Variants in NUCKS1 observed in about 807,000 individuals in gnomAD.
The protein encoded by NUCKS1 is nuclear ubiquitous casein and cyclin-dependent kinase substrate 1.
NUCKS1 carries 2 observed loss-of-function variants against 33.0 expected under a neutral mutation model. The ratio of observed to expected loss-of-function variants is 0.06; its 90% confidence interval spans 0.02 to 0.19. NUCKS1 has a LOEUF of 0.19. Among genes scored for constraint, NUCKS1 ranks in the 10% least tolerant of loss-of-function variants. The pLI, the probability that NUCKS1 is intolerant of heterozygous loss-of-function variation, is 1.00. For synonymous variants in NUCKS1, 106 were observed against 102.8 expected (o/e 1.03, Z -0.19); for missense variants, 201 against 293.6 (o/e 0.68, Z 2.31).
chr1:205,729,447 T>C lies in NUCKS1; in HGVS notation c.67+125A>G, dbSNP rs577103975. 2.1e-4 allele frequency: 164 copies of C among 769,724 alleles called. 1 individual carries two copies. In the African/African-American group the frequency reaches 2.5e-3, roughly 12 times the overall value. 47.7% of individuals were successfully genotyped at this position (769,724 alleles called of 1,614,324 possible). ...GCTTTGGTTGACACAGATCATGACA[T>C]GGTTTTGGTAAATGATCTAAAAATA... On this transcript the variant is annotated intron_variant, in intron 2 of 6. Transcript: ENST00000367142.
intron 1 of NUCKS1, among the ~76,000 whole-genome samples, chr1:205,745,524 ATT>A (rs773701002): frequency 3.8e-4 from 58 of 152,176 alleles, no homozygotes; most frequent in Non-Finnish European, 7.2e-4. Flanking sequence ...TATTTTAAAT[ATT>A]GAGTTGAGCA....
At chr1:205,747,991 G>T (rs537542851) in intron 1 of NUCKS1, among the ~76,000 whole-genome samples, 1 of 151,234 alleles carries the variant, frequency 6.6e-6, no homozygotes, top group East Asian at 1.9e-4. Flanking sequence ...ATTTGAAAAT[G>T]GCAAAGAAAA....
intron 1 of NUCKS1, among the ~76,000 whole-genome samples, chr1:205,730,614 G>A (rs539732006): frequency 2.6e-5 from 4 of 151,730 alleles, no homozygotes; most frequent in African/African-American, 9.7e-5. Flanking sequence ...TCAGCCTCCC[G>A]AGTAGCTGAG....
chr1:205,718,443 C>T lies in NUCKS1; in HGVS notation c.569G>A (p.Gly190Asp). 6.2e-7 allele frequency: 1 copy of T among 1,612,316 alleles called. No individual in the cohort carries two copies. Among genetic ancestry groups the T allele is most frequent in the Non-Finnish European group, 8.5e-7 (1 of 1,179,830 alleles). ...PSPVKGKGKVGRPTASKASKE... is the reference protein window; with the variant it reads ...PSPVKGKGKVDRPTASKASKE... ...TGATGCCTTTGAAGCTGTGGGGCGACCCACTTTCCCTTTGCCTTTCACTGG... is the reference window on the plus strand; with the variant it reads ...TGATGCCTTTGAAGCTGTGGGGCGATCCACTTTCCCTTTGCCTTTCACTGG... Residue 190 changes from glycine (G) to aspartate (D), a missense_variant, in exon 7 of 7, where the codon GGT becomes GAT. Gly to Asp is a moderately conservative substitution (Grantham distance 94). Transcript: ENST00000367142.
At position 205,713,577 on chromosome 1, in the gene NUCKS1, G is replaced by A. The variant is rs755409586; in HGVS notation, c.*4703C>T. The A allele has an allele frequency of 1.3e-5, 2 of 152,172 alleles. No homozygotes were observed. The highest frequency in any genetic ancestry group is 2.1e-4 in the South Asian group (1 of 4,822). 9.4% of individuals were successfully genotyped at this position (152,172 alleles called of 1,614,324 possible). ...AATGCATGTTGCATCTGTAATTCAC[G>A]AACATGGTCAACAAAATCATGTTCA... On this transcript the variant is annotated 3_prime_UTR_variant, in exon 7 of 7. Transcript: ENST00000367142.
At chr1:205,735,265 T>C (rs1338908873) in intron 1 of NUCKS1, among the ~76,000 whole-genome samples, 2 of 152,364 alleles carry the variant, frequency 1.3e-5, no homozygotes, top group Non-Finnish European at 2.9e-5. Context: ...TATAAATACC[T>C]ACCATTGTGT....
At chr1:205,746,417 C>A (rs957878030) in intron 1 of NUCKS1, among the ~76,000 whole-genome samples, 6 of 148,140 alleles carry the variant, frequency 4.1e-5, no homozygotes, top group Non-Finnish European at 7.4e-5. Context: ...AAGTATAGAT[C>A]CAAGGTTAAT....
chr1:205,727,193 G>A (rs1020257187), intron 3 of NUCKS1, among the ~76,000 whole-genome samples: 3 of 151,984 alleles, frequency 2.0e-5, no homozygotes, highest in Admixed American at 6.6e-5. Flanking sequence ...TCAAACTCCC[G>A]GGCTCAAGCG....
chr1:205,730,856 C>A (rs542363371), intron 1 of NUCKS1, among the ~76,000 whole-genome samples: 24 of 152,248 alleles, frequency 1.6e-4, no homozygotes, highest in Non-Finnish European at 2.8e-4. Flanking sequence ...CAAAATGAGC[C>A]AAATCACCAT....
intron 4 of NUCKS1, among the ~76,000 whole-genome samples, chr1:205,723,098 T>C (rs1671950270): frequency 6.6e-6 from 1 of 152,204 alleles, no homozygotes; most frequent in Admixed American, 6.5e-5. Context: ...AAAAGATTAA[T>C]ACAGTTTCTT....
In NUCKS1 at chr1:205,717,282, T is replaced by C; in HGVS notation, c.*998A>G. 2.0e-6 allele frequency: 2 copies of C among 985,340 alleles called. No homozygotes were observed. Among genetic ancestry groups the C allele is most frequent in the South Asian group, 9.4e-5 (2 of 21,348 alleles). 61.0% of individuals were successfully genotyped at this position (985,340 alleles called of 1,614,324 possible). A position where few individuals can be genotyped will look rare whatever the true frequency, so the allele number is the denominator to read the frequency against. On this transcript the variant is annotated 3_prime_UTR_variant, in exon 7 of 7. Coordinates refer to ENST00000367142, the MANE Select transcript of NUCKS1 (RefSeq NM_022731.5). ...TCATAAAGGAAAAATCTCAACTCTTTGTGACTGAGTTTCACATTAACTGGA... is the reference window on the plus strand; with the variant it reads ...TCATAAAGGAAAAATCTCAACTCTTCGTGACTGAGTTTCACATTAACTGGA...
intron 1 of NUCKS1, among the ~76,000 whole-genome samples, chr1:205,740,738 A>G (rs1654147887): frequency 6.6e-6 from 1 of 151,936 alleles, no homozygotes; most frequent in East Asian, 1.9e-4. Context: ...AGATGTTTCT[A>G]ATTTCTGCAG....
chr1:205,727,639 G>T lies in NUCKS1; in HGVS notation c.173+61C>A. The T allele has an allele frequency of 2.8e-6, 3 of 1,079,712 alleles. No homozygotes were observed. The South Asian group carries it at 3.8e-5, about 14-fold the overall frequency. The allele number at this position is 1,079,712 out of a possible 1,614,324, so 66.9% of individuals were successfully genotyped here. ...AGATTCCAACAATTTAGAGATCAGA[G>T]ACTGCTCTCATCTCAGAGTGGTAAC... On this transcript the variant is annotated intron_variant, in intron 3 of 6. Transcript: ENST00000367142.
At chr1:205,736,014 T>A (rs1452848834) in intron 1 of NUCKS1, among the ~76,000 whole-genome samples, 3 of 152,104 alleles carry the variant, frequency 2.0e-5, no homozygotes, top group Admixed American at 6.6e-5. Context: ...TGCAGTGGTG[T>A]GACCATAGCT....
At chr1:205,729,541 A>T in intron 2 of NUCKS1, 31 bp downstream of exon 2, 1 of 1,547,406 alleles carries the variant, frequency 6.5e-7, no homozygotes, top group Non-Finnish European at 8.9e-7. Context: ...GGTCAGTCCA[A>T]CTTAAAATTT....
Position 205,719,531 on chromosome 1 carries a change from A to G in NUCKS1, c.528T>C (p.Ala176=). Residue 176 remains alanine (A), a synonymous_variant, in exon 6 of 7, where the codon GCT becomes GCC. Coordinates refer to ENST00000367142, the MANE Select transcript of NUCKS1 (RefSeq NM_022731.5). The stretch of plus-strand genomic sequence containing the variant: ...TTTCACTTCTGCAGAAATTACCTGT[A>G]GCCTTTAGTCTGGGTTTGGGCATTT... ...EKKMPKPRLK[A]TVTPSPVKGK... 1 of 1,594,184 alleles carries G rather than the reference A, an allele frequency of 6.3e-7. No homozygotes were observed. The highest frequency in any genetic ancestry group is 8.5e-7 in the Non-Finnish European group (1 of 1,175,614).
At chr1:205,741,030 G>A (rs1412001187) in intron 1 of NUCKS1, among the ~76,000 whole-genome samples, 2 of 151,606 alleles carry the variant, frequency 1.3e-5, no homozygotes, top group Non-Finnish European at 2.9e-5. Flanking sequence ...GGCCGGGCGC[G>A]GTGGCTCACG....
At chr1:205,732,101 T>C (rs1243057411) in intron 1 of NUCKS1, among the ~76,000 whole-genome samples, 4 of 152,270 alleles carry the variant, frequency 2.6e-5, no homozygotes, top group African/African-American at 9.6e-5. Context: ...CTTGGGCTTA[T>C]ATGTAGAGGA....
At chr1:205,722,076 A>C (rs115534843) in intron 4 of NUCKS1, among the ~76,000 whole-genome samples, 3,122 of 152,098 alleles carry the variant, frequency 0.021, 44 homozygotes, top group African/African-American at 0.029. Context: ...TTAATGAAAA[A>C]AAAATTTTTT....
Sources: allele counts gnomAD v4.1 joint callset (sites outside exome capture counted in the v4.1 genomes callset), GRCh38; gene constraint gnomAD v4.1.1; transcripts MANE v1.5; gene names NCBI Gene and HGNC (gene_info 2026-07-23, HGNC 2026-07-21).